Variants in CCDC91 observed in about 807,000 individuals in gnomAD.
CCDC91 encodes coiled-coil domain-containing protein 91.
CCDC91 carries 48 observed loss-of-function variants against 63.2 expected under a neutral mutation model. The observed-to-expected ratio is 0.76, with a 90% CI of 0.60 to 0.97. CCDC91 has a LOEUF of 0.97. CCDC91 is among the 50% of genes least tolerant of loss of function. The pLI, the probability that CCDC91 is intolerant of heterozygous loss-of-function variation, is 0.00. For missense variants in CCDC91, 500 were observed against 494.6 expected, an observed-to-expected ratio of 1.01 and a Z score of -0.10; for synonymous variants, 167 against 165.8, an observed-to-expected ratio of 1.01 and a Z score of -0.06.
At chr12:28,333,868 T>G (rs1310362773) in intron 6 of CCDC91, among the ~76,000 whole-genome samples, 1 of 152,216 alleles carries the variant, frequency 6.6e-6, no homozygotes, top group Non-Finnish European at 1.5e-5. Flanking sequence ...TTCCAAAATG[T>G]TTTTCTATTT....
chr12:28,437,233 T>A (rs1948958325), intron 8 of CCDC91, among the ~76,000 whole-genome samples: 1 of 152,048 alleles, frequency 6.6e-6, no homozygotes, highest in African/African-American at 2.4e-5. Flanking sequence ...ATGGTTTCAA[T>A]AATTTTATAT....
In CCDC91 at chr12:28,515,551, A is replaced by G. The variant is rs568582755; in HGVS notation, c.1215+31386A>G. On this transcript the variant is annotated intron_variant, in intron 12 of 12. Coordinates refer to ENST00000536442, the MANE Select transcript of CCDC91 (RefSeq NM_018318.5). ...TAAATTCAGTGGATTTAAACTTAAG[A>G]AAAGAAAACATTCTTGTTTAGAAAA... is the stretch of plus-strand genomic sequence containing the variant. Among the ~76,000 whole-genome samples the G allele has an allele frequency of 2.0e-5, 3 of 152,026 alleles. No homozygotes were observed. The South Asian group carries it at 6.2e-4, about 32-fold the overall frequency.
rs577135727 is a variant in CCDC91 at position 28,504,234 on chromosome 12, C to CA, written c.1215+20078dup. On this transcript the variant is annotated intron_variant, in intron 12 of 12. Coordinates refer to ENST00000536442, the MANE Select transcript of CCDC91 (RefSeq NM_018318.5). ...CAATCTTTGAATATTAAAAAAGTTT[C>CA]AAAAAAAAAGCACTCTAGTAAGAAG... Among the ~76,000 whole-genome samples, 1,085 of 150,102 alleles carry CA rather than the reference C, an allele frequency of 7.2e-3. 12 individuals are homozygous for CA. The highest frequency in any genetic ancestry group is 0.017 in the African/African-American group (679 of 41,030).
chr12:28,313,564 TAAAC>T (rs1291953302), intron 6 of CCDC91, among the ~76,000 whole-genome samples: 1 of 152,058 alleles, frequency 6.6e-6, no homozygotes, highest in African/African-American at 2.4e-5. Context: ...GTAAAACCTT[TAAAC>T]AAACTTTTAA....
rs1939643803 is a variant in CCDC91, at chr12:28,314,528, G to A, written c.576+6779G>A. On this transcript the variant is annotated intron_variant, in intron 6 of 12. Transcript: ENST00000536442. ...TAGAGAATTTAGCAGTTATGTGTAG[G>A]TAACCCAAAATATAGTTTGCGGTCT... Among the ~76,000 whole-genome samples, 3 of 151,992 alleles carry A rather than the reference G, an allele frequency of 2.0e-5. No individual in the cohort carries two copies. In the South Asian group the frequency reaches 6.2e-4, roughly 31 times the overall value.
chr12:28,283,299 G>A (rs185394366), intron 3 of CCDC91, among the ~76,000 whole-genome samples: 62 of 151,544 alleles, frequency 4.1e-4, no homozygotes, highest in Non-Finnish European at 2.2e-4. Context: ...ATTCCTTTGG[G>A]GAGCATGGTC....
At chr12:28,499,015 A>G (rs1365950774) in intron 12 of CCDC91, among the ~76,000 whole-genome samples, 1 of 151,664 alleles carries the variant, frequency 6.6e-6, no homozygotes. Flanking sequence ...TTAAACATTT[A>G]TCTAATCTAA....
intron 8 of CCDC91, among the ~76,000 whole-genome samples, chr12:28,426,137 A>G (rs369011563): frequency 1.2e-4 from 19 of 152,238 alleles, no homozygotes; most frequent in African/African-American, 4.3e-4. Context: ...GTCACTTCAC[A>G]CTTTTTTGCT....
intron 8 of CCDC91, among the ~76,000 whole-genome samples, chr12:28,406,317 T>A (rs1946942039): frequency 6.6e-6 from 1 of 152,078 alleles, no homozygotes; most frequent in Admixed American, 6.6e-5. Context: ...GAGAAAGTCG[T>A]TATTAGTGTA....
intron 1 of CCDC91, among the ~76,000 whole-genome samples, chr12:28,211,139 T>C (rs1345004371): frequency 6.7e-6 from 1 of 150,160 alleles, no homozygotes; most frequent in African/African-American, 2.5e-5. Flanking sequence ...AATTCTTTTT[T>C]GTGTTAATTA....
intron 3 of CCDC91, among the ~76,000 whole-genome samples, chr12:28,265,407 C>G (rs1947117699): frequency 6.6e-6 from 1 of 151,974 alleles, no homozygotes; most frequent in East Asian, 1.9e-4. Flanking sequence ...AGATGTTGAA[C>G]CAAATAAGTT....
intron 3 of CCDC91, among the ~76,000 whole-genome samples, chr12:28,276,689 C>T (rs1948250170): frequency 6.6e-6 from 1 of 151,858 alleles, no homozygotes. Context: ...CATAAAAGGA[C>T]AGTGATTTTT....
intron 8 of CCDC91, among the ~76,000 whole-genome samples, chr12:28,435,024 T>A (rs1179433263): frequency 1.3e-5 from 2 of 151,732 alleles, no homozygotes; most frequent in East Asian, 3.8e-4. Flanking sequence ...GTCTCTCTTT[T>A]CCTTGGTTAG....
intron 8 of CCDC91, among the ~76,000 whole-genome samples, chr12:28,406,724 T>C (rs1387335410): frequency 2.0e-5 from 3 of 151,496 alleles, no homozygotes; most frequent in Non-Finnish European, 4.4e-5. Context: ...TTTTCCTATG[T>C]TCTATTAAAG....
chr12:28,484,001 A>G (rs1276966320), intron 11 of CCDC91, 51 bp from the exon 12 acceptor site: 3 of 1,044,068 alleles, frequency 2.9e-6, no homozygotes, highest in Non-Finnish European at 2.9e-6. Flanking sequence ...ATGGACACAG[A>G]TATGTCATAG....
intron 12 of CCDC91, among the ~76,000 whole-genome samples, chr12:28,509,257 TC>T (rs1229252049): frequency 6.6e-6 from 1 of 151,892 alleles, no homozygotes; most frequent in African/African-American, 2.4e-5. Context: ...ATACGTAGTC[TC>T]CTGCCTCCTG....
chr12:28,364,939 A>T (rs1944178375), intron 7 of CCDC91, among the ~76,000 whole-genome samples: 1 of 152,200 alleles, frequency 6.6e-6, no homozygotes, highest in Non-Finnish European at 1.5e-5. Context: ...AGTATATCTG[A>T]TAATATTTCT....
intron 8 of CCDC91, among the ~76,000 whole-genome samples, chr12:28,449,392 C>T (rs1254450797): frequency 3.3e-5 from 5 of 151,936 alleles, no homozygotes; most frequent in Non-Finnish European, 5.9e-5. Context: ...AGTAGCAATA[C>T]ATATTTTTTA....
intron 12 of CCDC91, 117 bp downstream of exon 12, chr12:28,484,282 T>C (rs1951604826): frequency 2.0e-6 from 1 of 488,588 alleles, no homozygotes; most frequent in African/African-American, 2.0e-5. Context: ...AACTTACGGA[T>C]CTTCATCTAA....
Sources: allele counts gnomAD v4.1 joint callset (sites outside exome capture counted in the v4.1 genomes callset), GRCh38; gene constraint gnomAD v4.1.1; transcripts MANE v1.5; gene names NCBI Gene and HGNC (gene_info 2026-07-23, HGNC 2026-07-21).